Variants in ANO1 observed in about 807,000 individuals in gnomAD.
ANO1 encodes anoctamin 1.
ANO1 carries 59 observed loss-of-function variants against 124.0 expected under a neutral mutation model. That is an observed-to-expected ratio of 0.48 (90% CI 0.39 to 0.59). The LOEUF (loss-of-function observed/expected upper bound fraction) is 0.59. Ranked by LOEUF, ANO1 falls within the 20% of genes least tolerant of loss-of-function variation. ANO1 has a pLI of 0.00. For synonymous variants in ANO1, 529 were observed against 532.0 expected (o/e 0.99, Z 0.08); for missense variants, 1,059 against 1,328.0 (o/e 0.80, Z 3.15).
Position 70,137,794 on chromosome 11 carries a change from T to G in ANO1, c.1258+5715T>G, listed in dbSNP as rs1367129553. ...ACTCTCTGGGTCCCAGGTTCGCATC[T>G]GTAGAACGGAGACACAGTCCCACCC... On this transcript the variant is annotated intron_variant, in intron 11 of 25. Transcript: ENST00000355303. 2.7e-5 allele frequency among the ~76,000 whole-genome samples: 4 copies of G among 147,330 alleles called. 1 individual carries two copies. Among genetic ancestry groups the G allele is most frequent in the African/African-American group, 9.7e-5 (4 of 41,230 alleles).
chr11:69,979,952 C>G, the ANO1 span, among the ~76,000 whole-genome samples: 1 of 152,120 alleles, frequency 6.6e-6, no homozygotes, highest in African/African-American at 2.4e-5. Flanking sequence ...CAGGGCCTCC[C>G]CAGGGTATCC....
At chr11:70,164,117 G>A (rs2048162929) in intron 19 of ANO1, among the ~76,000 whole-genome samples, 1 of 152,150 alleles carries the variant, frequency 6.6e-6, no homozygotes, top group Non-Finnish European at 1.5e-5. Flanking sequence ...TTCAGCCTCT[G>A]TCACGGCCCA....
At chr11:70,160,363 C>T (rs910835873) in intron 16 of ANO1, among the ~76,000 whole-genome samples, 1 of 152,086 alleles carries the variant, frequency 6.6e-6, no homozygotes, top group South Asian at 2.1e-4. Context: ...CAGGGCGGGG[C>T]AGGGCAGGGT....
chr11:70,081,539 A>C lies in ANO1; in HGVS notation c.108+2825A>C, dbSNP rs1273962666. ...ATAATTTGAAGAGTCTCAAAACCAA[A>C]AGAAATTTTACAGGCCACTGATTTC... On this transcript the variant is annotated intron_variant, in intron 1 of 25. Transcript: ENST00000355303. 1.8e-4 allele frequency among the ~76,000 whole-genome samples: 28 copies of C among 152,196 alleles called. 1 individual carries two copies. The highest frequency in any genetic ancestry group is 1.5e-5 in the Non-Finnish European group (1 of 68,040).
At chr11:70,154,012 C>T (rs1466631636) in intron 14 of ANO1, among the ~76,000 whole-genome samples, 1 of 152,110 alleles carries the variant, frequency 6.6e-6, no homozygotes, top group East Asian at 1.9e-4. Flanking sequence ...GAAATCCACC[C>T]GCCTTGGCCT....
At chr11:70,133,426 GGGGAGGCT>G (rs2046837727) in intron 11 of ANO1, among the ~76,000 whole-genome samples, 1 of 152,170 alleles carries the variant, frequency 6.6e-6, no homozygotes, top group Non-Finnish European at 1.5e-5. Flanking sequence ...CAGCTGCTCG[GGGGAGGCT>G]GGAAACCTAG....
At chr11:69,986,266 G>T (rs1402013731) in intron 1 of ANO1, 2 of 152,362 alleles carry the variant, frequency 1.3e-5, no homozygotes, top group Admixed American at 6.5e-5. Context: ...ACTCAGGGGC[G>T]CACGAGGAGC....
At chr11:69,990,946 T>C (rs575386921) in intron 1 of ANO1, among the ~76,000 whole-genome samples, 1 of 152,228 alleles carries the variant, frequency 6.6e-6, no homozygotes, top group African/African-American at 2.4e-5. Context: ...TGTCCTTTGA[T>C]GTACAAAATT....
chr11:70,171,172 C>T (rs1479435161), intron 22 of ANO1, 133 bp downstream of exon 22: 15 of 1,293,974 alleles, frequency 1.2e-5, no homozygotes, highest in African/African-American at 1.5e-5. Flanking sequence ...CAGCCTTTGC[C>T]GGGTGGAGCC....
intron 2 of ANO1, among the ~76,000 whole-genome samples, chr11:70,102,203 C>T (rs1384490379): frequency 6.6e-6 from 1 of 152,214 alleles, no homozygotes; most frequent in Non-Finnish European, 1.5e-5. Flanking sequence ...TGTGTTTGAG[C>T]ACAGCTCCAC....
chr11:69,971,522 T>C, the ANO1 span, among the ~76,000 whole-genome samples: 1 of 152,230 alleles, frequency 6.6e-6, no homozygotes, highest in South Asian at 2.1e-4. Flanking sequence ...AAAAAGTTTC[T>C]AAGAAAAAAA....
At chr11:69,974,085 G>A in the ANO1 span, among the ~76,000 whole-genome samples, 1 of 151,960 alleles carries the variant, frequency 6.6e-6, no homozygotes, top group Admixed American at 6.6e-5. Flanking sequence ...TTGAGAGGCC[G>A]AGGTGGGTGG....
At chr11:69,973,532 C>T in the ANO1 span, among the ~76,000 whole-genome samples, 18,349 of 152,042 alleles carry the variant, frequency 0.12, 1,373 homozygotes, top group Admixed American at 0.16. Flanking sequence ...CTAGGCGGTG[C>T]GAGGCATCAT....
At chr11:70,123,354 T>A (rs1322629425) in intron 8 of ANO1, among the ~76,000 whole-genome samples, 1 of 152,160 alleles carries the variant, frequency 6.6e-6, no homozygotes, top group African/African-American at 2.4e-5. Flanking sequence ...TTCCCCTCCC[T>A]GTTTGTCAGT....
intron 1 of ANO1, among the ~76,000 whole-genome samples, chr11:70,039,131 A>G (rs1857140424): frequency 6.6e-6 from 1 of 152,168 alleles, no homozygotes. Context: ...TTCATCCAAC[A>G]TGGGGAATAC....
rs186081273 is a variant in ANO1, at chr11:70,049,998, C to T, written c.59-28544C>T. 6.9e-3 allele frequency among the ~76,000 whole-genome samples: 1,044 copies of T among 152,304 alleles called. 9 individuals are homozygous for T. The highest frequency in any genetic ancestry group is 9.6e-3 in the Non-Finnish European group (654 of 68,026). On this transcript the variant is annotated intron_variant, in intron 1 of 27. Transcript: ENST00000531349. ...GGCCTCCCAAAGCTGGGATTACAGG[C>T]GTGAGCCATCACGCCCAGCTGCTGT...
intron 25 of ANO1, among the ~76,000 whole-genome samples, chr11:70,186,352 GAGGAAGGAAGGAAGGAAGGAAGGA>G (rs58940209): frequency 1.6e-5 from 2 of 126,822 alleles, no homozygotes; most frequent in Admixed American, 8.1e-5. Context: ...GAGGGGGAGG[GAGGAAGGAAGGAAGGAAGGAAGGA>G]AGGAAGGAAG....
chr11:70,067,816 C>T (rs1213403405), intron 1 of ANO1, among the ~76,000 whole-genome samples: 1 of 152,168 alleles, frequency 6.6e-6, no homozygotes, highest in African/African-American at 2.4e-5. Flanking sequence ...TACCAGTGAC[C>T]GTTTAGGATT....
intron 20 of ANO1, 46 bp downstream of exon 20, chr11:70,165,616 G>A (rs1472268293): frequency 6.6e-7 from 1 of 1,525,312 alleles, no homozygotes. Context: ...GGGGCCAGGC[G>A]GAGGGGTGTG....
Sources: allele counts gnomAD v4.1 joint callset (sites outside exome capture counted in the v4.1 genomes callset), GRCh38; gene constraint gnomAD v4.1.1; transcripts MANE v1.5; gene names NCBI Gene and HGNC (gene_info 2026-07-23, HGNC 2026-07-21).